The following CDC45 variants were observed in gnomAD, a reference collection of about 807,000 sequenced individuals.
CDC45 encodes the protein cell division cycle 45.
A neutral mutation model predicts 77.8 loss-of-function variants in CDC45; 54 were observed. The observed-to-expected ratio is 0.69, with a 90% CI of 0.56 to 0.87. CDC45 has a LOEUF of 0.87. CDC45 is among the 40% of genes least tolerant of loss of function. The probability of loss-of-function intolerance (pLI) is 0.00; values close to 1 mark genes in which losing one functional copy is unlikely to be tolerated. For synonymous variants in CDC45, 260 were observed against 272.1 expected, an observed-to-expected ratio of 0.96 and a Z score of 0.44; for missense variants, 649 against 721.6, an observed-to-expected ratio of 0.90 and a Z score of 1.15.
rs765222883 is a variant in CDC45 at position 19,507,478 on chromosome 22, A to G, written c.917A>G (p.His306Arg). The change falls in exon 11 of 19, where the codon CAT (histidine) becomes CGT (arginine). Residue 306 changes from histidine (H) to arginine (R), a missense_variant. Coordinates refer to ENST00000263201, the MANE Select transcript of CDC45 (RefSeq NM_003504.5). ...GCCAGGTTCAAGCTGTGGTCTGTGC[A>G]TGGACAGAAGCGGCTCCAGGAGTTC... ...TAARFKLWSV[H>R]GQKRLQEFLA... The G allele has an allele frequency of 6.2e-6, 10 of 1,614,096 alleles. No homozygotes were observed. Among genetic ancestry groups the G allele is most frequent in the Admixed American group, 3.3e-5 (2 of 60,016 alleles).
chr22:19,512,528 AT>A (rs1267011662), intron 13 of CDC45, among the ~76,000 whole-genome samples: 2 of 152,098 alleles, frequency 1.3e-5, no homozygotes, highest in Non-Finnish European at 2.9e-5. Flanking sequence ...TTATCTAGAA[AT>A]TTGGGAAAAT....
intron 13 of CDC45, among the ~76,000 whole-genome samples, chr22:19,514,400 A>C (rs1415802098): frequency 6.6e-6 from 1 of 152,080 alleles, no homozygotes; most frequent in Non-Finnish European, 1.5e-5. Flanking sequence ...AAGAGTAAAA[A>C]TCTATCTGTT....
At chr22:19,506,811 A>G (rs1933208073) in intron 10 of CDC45, among the ~76,000 whole-genome samples, 2 of 152,094 alleles carry the variant, frequency 1.3e-5, no homozygotes, top group African/African-American at 4.8e-5. Flanking sequence ...GCGGGTGCCT[A>G]TAGTCCCAGC....
At position 19,520,161 on chromosome 22, in the gene CDC45, G is replaced by A. The variant is rs1934031858; in HGVS notation, c.*2-320G>A. On this transcript the variant is annotated intron_variant, in intron 18 of 18. Transcript: ENST00000263201. This position sits in a 1 kb window ranked among gnomAD's most constrained non-coding sequence, Gnocchi z 4.5. ...GGGGCACAGGTGGCCTGGGCTAGGA[G>A]GGCTGAGCAGCAGAGTGCCGAGGGA... Among the ~76,000 whole-genome samples the A allele has an allele frequency of 6.6e-6, 1 of 152,226 alleles. No individual in the cohort carries two copies. Among genetic ancestry groups the A allele is most frequent in the African/African-American group, 2.4e-5 (1 of 41,456 alleles).
intron 3 of CDC45, 92 bp downstream of exon 3, chr22:19,481,137 A>G: frequency 3.8e-6 from 3 of 794,018 alleles, no homozygotes; most frequent in Non-Finnish European, 6.4e-6. Context: ...TTAAGCGTGT[A>G]TTTAAGTATC....
At chr22:19,505,690 C>T (rs1049000157) in intron 10 of CDC45, among the ~76,000 whole-genome samples, 4 of 152,218 alleles carry the variant, frequency 2.6e-5, no homozygotes, top group Non-Finnish European at 4.4e-5. Flanking sequence ...TTGGAAGTAT[C>T]ACCCTTCTCC....
At chr22:19,483,785 A>G (rs1238371676) in intron 4 of CDC45, 77 bp from the exon 5 acceptor site, 10 of 1,354,414 alleles carry the variant, frequency 7.4e-6, no homozygotes, top group Non-Finnish European at 2.1e-6. Context: ...GGAAATGATA[A>G]GATTCTGCAG....
intron 5 of CDC45, among the ~76,000 whole-genome samples, chr22:19,485,902 A>C (rs5746749): frequency 0.84 from 128,239 of 152,222 alleles, 54,432 homozygotes; most frequent in African/African-American, 0.95. Flanking sequence ...CATGAAGAGA[A>C]CCTGTCTCAA....
intron 11 of CDC45, 107 bp from the exon 12 acceptor site, chr22:19,507,659 C>G (rs764436328): frequency 9.2e-5 from 125 of 1,357,894 alleles, no homozygotes; most frequent in Non-Finnish European, 1.2e-4. Context: ...AGAATATCTT[C>G]TGAATGCTGG....
At chr22:19,517,856 CATAGAG>C in intron 17 of CDC45, among the ~76,000 whole-genome samples, 1 of 152,362 alleles carries the variant, frequency 6.6e-6, no homozygotes. Context: ...AGGGCTTCAA[CATAGAG>C]ATGTGGGGGA....
At chr22:19,479,684 C>A, upstream of CDC45, 1 of 659,778 alleles carries the variant, frequency 1.5e-6, no homozygotes, top group East Asian at 3.0e-5. Context: ...CGTCGCTTTT[C>A]TGGGTAAAAG....
chr22:19,509,927 C>T (rs1365314790), intron 13 of CDC45, among the ~76,000 whole-genome samples: 2 of 152,128 alleles, frequency 1.3e-5, no homozygotes, highest in East Asian at 1.9e-4. Flanking sequence ...ACAATTCACC[C>T]ATTTAAAATG....
chr22:19,508,385 G>A, intron 12 of CDC45, 145 bp from the exon 13 acceptor site: 2 of 850,778 alleles, frequency 2.4e-6, no homozygotes, highest in South Asian at 1.6e-5. Context: ...TGGACGTTCT[G>A]ACCTGCCTCA....
chr22:19,505,534 C>T (rs900797827), intron 10 of CDC45, 53 bp downstream of exon 10: 17 of 1,601,458 alleles, frequency 1.1e-5, no homozygotes, highest in Admixed American at 3.3e-5. Context: ...GCTCAGCAGG[C>T]CTTGTTTGCT....
intron 2 of CDC45, 71 bp downstream of exon 2, chr22:19,480,288 G>A (rs2089956400): frequency 7.1e-7 from 1 of 1,413,594 alleles, no homozygotes; most frequent in Non-Finnish European, 1.0e-6. Flanking sequence ...GGCGCAGGGC[G>A]GGCAGAGTGT....
intron 5 of CDC45, 134 bp downstream of exon 5, chr22:19,484,139 C>T: frequency 1.3e-6 from 1 of 794,732 alleles, no homozygotes; most frequent in Middle Eastern, 3.0e-4. Context: ...TGGATGCTGA[C>T]CCTGGGCTCT....
At chr22:19,479,574 ATG>A, upstream of CDC45, 1 of 574,886 alleles carries the variant, frequency 1.7e-6, no homozygotes, top group Non-Finnish European at 3.4e-6. Flanking sequence ...CCCATTGGGT[ATG>A]TGACTGAGTT....
chr22:19,517,118 G>C (rs1009769564), intron 17 of CDC45, among the ~76,000 whole-genome samples: 3 of 152,254 alleles, frequency 2.0e-5, no homozygotes, highest in African/African-American at 7.2e-5. Flanking sequence ...GACTGGCCTG[G>C]CTGTGGCCTT....
intron 9 of CDC45, among the ~76,000 whole-genome samples, chr22:19,500,298 T>A (rs562980740): frequency 6.6e-6 from 1 of 152,126 alleles, no homozygotes; most frequent in Admixed American, 6.5e-5. Context: ...CTGTACAGGA[T>A]CTGTACCTGA....
Sources: allele counts gnomAD v4.1 joint callset (sites outside exome capture counted in the v4.1 genomes callset), GRCh38; gene constraint gnomAD v4.1.1; non-coding constraint Gnocchi (gnomAD v3.1); transcripts MANE v1.5; gene names NCBI Gene and HGNC (gene_info 2026-07-23, HGNC 2026-07-21).